The following AFF3 variants were observed in gnomAD, a reference collection of about 807,000 sequenced individuals.
AFF3 encodes the protein AF4/FMR2 family member 3.
AFF3 carries 32 observed loss-of-function variants against 129.7 expected under a neutral mutation model. That is an observed-to-expected ratio of 0.25 (90% confidence interval 0.19 to 0.33). The LOEUF (loss-of-function observed/expected upper bound fraction) is 0.33, where lower values mean the gene tolerates loss of function less well. Ranked by LOEUF, AFF3 falls within the 10% of genes least tolerant of loss-of-function variation. The probability of loss-of-function intolerance (pLI) is 1.00; values close to 1 mark genes in which losing one functional copy is unlikely to be tolerated. For synonymous variants in AFF3, 644 were observed against 635.4 expected (o/e 1.01, Z -0.20); for missense variants, 1,373 against 1,592.0 (o/e 0.86, Z 2.34).
intron 13 of AFF3, among the ~76,000 whole-genome samples, chr2:99,641,481 C>A (rs1253970812): frequency 6.6e-6 from 1 of 152,140 alleles, no homozygotes; most frequent in Non-Finnish European, 1.5e-5. Flanking sequence ...AGTTGGAGAC[C>A]AGCCTGGCCA....
intron 4 of AFF3, among the ~76,000 whole-genome samples, chr2:100,050,677 C>T (rs1573258759): frequency 1.3e-5 from 2 of 152,174 alleles, no homozygotes; most frequent in Non-Finnish European, 2.9e-5. Context: ...GGAAAGTAAA[C>T]GTCAGTGCAC....
At chr2:100,051,270 TA>T (rs1193938830) in intron 4 of AFF3, among the ~76,000 whole-genome samples, 2 of 152,072 alleles carry the variant, frequency 1.3e-5, no homozygotes, top group Admixed American at 6.5e-5. Context: ...ATAAGGGAGG[TA>T]AAAAGTATTT....
At chr2:99,749,351 A>AGTC (rs1451719386) in intron 9 of AFF3, among the ~76,000 whole-genome samples, 1 of 152,246 alleles carries the variant, frequency 6.6e-6, no homozygotes, top group Non-Finnish European at 1.5e-5. Context: ...TTACCTCAGA[A>AGTC]GTCAAGTCAT....
At chr2:100,039,578 T>C (rs371986534) in intron 4 of AFF3, among the ~76,000 whole-genome samples, 10 of 151,672 alleles carry the variant, frequency 6.6e-5, no homozygotes, top group African/African-American at 2.4e-4. Context: ...AAAAAGGCCC[T>C]CCCCCATGGC....
chr2:100,116,616 G>A (rs1355962209), intron 2 of AFF3, among the ~76,000 whole-genome samples: 2 of 151,972 alleles, frequency 1.3e-5, no homozygotes, highest in African/African-American at 4.8e-5. Flanking sequence ...AAAATTCAAG[G>A]ACCTTAGAAC....
At chr2:99,558,258 G>C (rs10179214) in intron 22 of AFF3, among the ~76,000 whole-genome samples, 49,226 of 152,070 alleles carry the variant, frequency 0.32, 11,707 homozygotes, top group African/African-American at 0.68. Context: ...ATTTATGTTA[G>C]CTATAAAGAT....
rs546232324 is a variant in AFF3, at chr2:99,717,906, C to G, written c.1091+9171G>C. Among the ~76,000 whole-genome samples, 27 of 152,320 alleles carry G rather than the reference C, an allele frequency of 1.8e-4. No homozygotes were observed. In the South Asian group the frequency reaches 5.0e-3, roughly 28 times the overall value. On this transcript the variant is annotated intron_variant, in intron 11 of 24. Coordinates refer to ENST00000672756, the MANE Select transcript of AFF3 (RefSeq NM_001386135.1). ...GATTCATTTTTCCCCTGAGAAGTTG[C>G]TCTGGCATCATTTGTTGAAAAGACC...
intron 8 of AFF3, among the ~76,000 whole-genome samples, chr2:99,812,743 T>C (rs1043188672): frequency 3.3e-5 from 5 of 152,368 alleles, no homozygotes; most frequent in Non-Finnish European, 4.4e-5. Flanking sequence ...TATGATTTCA[T>C]CTTTTATTCA....
At chr2:100,011,677 G>A in intron 4 of AFF3, 2 of 740,694 alleles carry the variant, frequency 2.7e-6, no homozygotes, top group South Asian at 2.8e-5. Flanking sequence ...AGAAGCCGAG[G>A]GGAAAGAATC....
intron 8 of AFF3, among the ~76,000 whole-genome samples, chr2:99,821,828 GC>G (rs923831456): frequency 1.3e-5 from 2 of 152,078 alleles, no homozygotes; most frequent in African/African-American, 4.8e-5. Context: ...GCTCACTAGG[GC>G]CCCTCGTGTC....
chr2:99,926,123 A>G (rs1167070313), intron 7 of AFF3, among the ~76,000 whole-genome samples: 2 of 152,268 alleles, frequency 1.3e-5, no homozygotes, highest in Non-Finnish European at 1.5e-5. Flanking sequence ...ATCAGTACTC[A>G]TGCAACTCTC....
intron 2 of AFF3, chr2:100,110,332 A>G (rs914713406): frequency 4.6e-5 from 7 of 152,166 alleles, no homozygotes; most frequent in African/African-American, 1.7e-4. Context: ...GTGCTGTGCT[A>G]TCTGTGAAGT....
At chr2:99,947,621 T>TAGAC (rs1559000415) in intron 7 of AFF3, among the ~76,000 whole-genome samples, 68 of 143,380 alleles carry the variant, frequency 4.7e-4, no homozygotes, top group African/African-American at 1.9e-3. Flanking sequence ...GATAGATAGA[T>TAGAC]AGATAGATAG....
chr2:99,677,734 A>T (rs1674131358), intron 11 of AFF3, among the ~76,000 whole-genome samples: 1 of 152,202 alleles, frequency 6.6e-6, no homozygotes. Flanking sequence ...ACTACCCTGG[A>T]GGACCTTTTT....
chr2:99,891,360 C>T (rs1008293934), intron 7 of AFF3, among the ~76,000 whole-genome samples: 4 of 152,078 alleles, frequency 2.6e-5, no homozygotes, highest in South Asian at 2.1e-4. Context: ...CTTTTGCTGT[C>T]TCCGGGAATT....
At chr2:100,080,479 T>C (rs1188336069) in intron 4 of AFF3, among the ~76,000 whole-genome samples, 1 of 152,176 alleles carries the variant, frequency 6.6e-6, no homozygotes, top group Non-Finnish European at 1.5e-5. Context: ...TGCAGATTTG[T>C]CACCTCTCTT....
intron 2 of AFF3, among the ~76,000 whole-genome samples, chr2:100,124,678 G>T (rs75176854): frequency 0.13 from 19,075 of 149,872 alleles, 1,421 homozygotes; most frequent in Non-Finnish European, 0.15. Context: ...GAGATGGGGG[G>T]GTGTATCAGG....
chr2:99,714,084 G>C (rs1238275400), intron 11 of AFF3, among the ~76,000 whole-genome samples: 1 of 152,132 alleles, frequency 6.6e-6, no homozygotes, highest in African/African-American at 2.4e-5. Context: ...AGAAAATGGG[G>C]TTCGCAGTCT....
intron 11 of AFF3, among the ~76,000 whole-genome samples, chr2:99,719,431 G>GTT (rs1167322796): frequency 6.6e-6 from 1 of 152,092 alleles, no homozygotes; most frequent in Non-Finnish European, 1.5e-5. Flanking sequence ...TTCTTATCAA[G>GTT]TTTATGTCAG....
Sources: gnomAD v4.1 joint callset for allele counts (sites outside exome capture counted in the v4.1 genomes callset) on GRCh38, gnomAD v4.1.1 for gene constraint, MANE v1.5 for transcripts, NCBI Gene and HGNC (gene_info 2026-07-23, HGNC 2026-07-21) for gene names.